Variants in NHSL2 observed in about 807,000 individuals in gnomAD.
NHSL2 encodes the protein NHS like 2, also known as NHS-like protein 2.
Under a neutral mutation model 53.4 loss-of-function variants are expected in NHSL2, and 27 were observed. The ratio of observed to expected loss-of-function variants is 0.51; its 90% CI spans 0.37 to 0.70. NHSL2 has a LOEUF of 0.70. Among genes scored for constraint, NHSL2 ranks in the 30% least tolerant of loss-of-function variants. NHSL2 has a pLI of 0.00. For missense variants in NHSL2, 892 were observed against 980.1 expected (o/e 0.91, Z 1.20); for synonymous variants, 408 against 404.1 (o/e 1.01, Z -0.12).
chrX:71,927,452 T>C (rs1285314300), intron 1 of NHSL2, among the ~76,000 whole-genome samples: 1 of 112,513 alleles, frequency 8.9e-6, no homozygotes, highest in African/African-American at 3.2e-5. Context: ...TAAGGATAGC[T>C]GTTGAGAGGT....
rs191362825 is a variant in NHSL2 at position 72,012,699 on chromosome X, C to T, written c.280+101332C>T. ...TAGGCTCCGGGAATCAGGACGTAGA[C>T]GTATCTTTTGGGAGGGCACCATTCA... On this transcript the variant is annotated intron_variant, in intron 1 of 7. Coordinates refer to ENST00000633930, the MANE Select transcript of NHSL2 (RefSeq NM_001013627.3). Among the ~76,000 whole-genome samples the T allele has an allele frequency of 6.5e-4, 73 of 112,699 alleles. 1 individual carries two copies. Among genetic ancestry groups the T allele is most frequent in the African/African-American group, 2.3e-3 (70 of 31,058 alleles).
chrX:72,095,892 C>A (rs2041939840), intron 1 of NHSL2, among the ~76,000 whole-genome samples: 1 of 111,285 alleles, frequency 9.0e-6, no homozygotes. Context: ...ACCTTTAAAG[C>A]ACTGTACAAA....
intron 1 of NHSL2, among the ~76,000 whole-genome samples, chrX:71,944,774 G>A (rs1333806883): frequency 2.7e-5 from 3 of 111,912 alleles, no homozygotes; most frequent in Non-Finnish European, 5.6e-5. Flanking sequence ...ATCTAGAAGA[G>A]GAAATTTCCA....
chrX:72,043,411 A>G (rs761385646), intron 1 of NHSL2, among the ~76,000 whole-genome samples: 4 of 111,230 alleles, frequency 3.6e-5, no homozygotes, highest in African/African-American at 1.3e-4. Flanking sequence ...TACTTTCTAC[A>G]TATTGTTTTA....
chrX:71,922,068 G>A (rs1174749607), intron 1 of NHSL2, among the ~76,000 whole-genome samples: 4 of 112,844 alleles, frequency 3.5e-5, no homozygotes, highest in Non-Finnish European at 7.5e-5. Context: ...CTTCATCCCA[G>A]TTGCACAGTA....
intron 1 of NHSL2, among the ~76,000 whole-genome samples, chrX:72,016,496 G>A (rs2042136419): frequency 8.9e-6 from 1 of 112,049 alleles, no homozygotes; most frequent in Non-Finnish European, 1.9e-5. Flanking sequence ...CAGGTTCTGT[G>A]AAAAATTCCT....
chrX:72,001,772 A>G lies in NHSL2; in HGVS notation c.280+90405A>G, dbSNP rs5991898. On this transcript the variant is annotated intron_variant, in intron 1 of 7. Coordinates refer to ENST00000633930, the MANE Select transcript of NHSL2 (RefSeq NM_001013627.3). ...CTTTCTACCTGTCAGACTTACACCC[A>G]TACTTTGGGGCCCAGTCTGAATCCT... Among the ~76,000 whole-genome samples the G allele has an allele frequency of 2.8e-3, 316 of 112,128 alleles. 1 individual carries two copies. Among genetic ancestry groups the G allele is most frequent in the African/African-American group, 9.8e-3 (302 of 30,866 alleles).
At position 71,934,965 on chromosome X, in the gene NHSL2, C is replaced by T. The variant is rs982461985; in HGVS notation, c.280+23598C>T. ...TCAGCTTGGACTTCTTTTAGGGTGC[C>T]CTTCCAGCTGTTTTGTAACAATATA... is the stretch of plus-strand genomic sequence containing the variant. On this transcript the variant is annotated intron_variant, in intron 1 of 7. Transcript: ENST00000633930. Among the ~76,000 whole-genome samples the T allele has an allele frequency of 6.3e-5, 7 of 111,551 alleles. No individual in the cohort carries two copies. The Admixed American group carries it at 6.6e-4, about 11-fold the overall frequency.
chrX:72,059,237 C>A (rs907469081), intron 1 of NHSL2, among the ~76,000 whole-genome samples: 2 of 110,880 alleles, frequency 1.8e-5, no homozygotes, highest in African/African-American at 6.6e-5. Flanking sequence ...ACCGCTCCAC[C>A]CTGAGGCAAG....
chrX:72,103,701 G>A (rs965039981), intron 1 of NHSL2, among the ~76,000 whole-genome samples: 1 of 112,220 alleles, frequency 8.9e-6, no homozygotes, highest in Admixed American at 9.4e-5. Flanking sequence ...AATCTTGGTT[G>A]GGCCATCAGA....
intron 1 of NHSL2, among the ~76,000 whole-genome samples, chrX:71,944,003 A>G (rs2041781059): frequency 9.0e-6 from 1 of 111,713 alleles, no homozygotes; most frequent in Non-Finnish European, 1.9e-5. Flanking sequence ...TTGTCCTGTT[A>G]TTTGGGAAGG....
intron 1 of NHSL2, among the ~76,000 whole-genome samples, chrX:72,085,488 A>G (rs1243408767): frequency 3.6e-5 from 4 of 111,245 alleles, no homozygotes; most frequent in Non-Finnish European, 7.5e-5. Context: ...CATCCATTGC[A>G]CTCATCTGCT....
intron 1 of NHSL2, among the ~76,000 whole-genome samples, chrX:72,010,102 G>A (rs1479639818): frequency 8.9e-6 from 1 of 112,806 alleles, no homozygotes; most frequent in African/African-American, 3.2e-5. Context: ...TAATTGGCAT[G>A]GACTGAGCTT....
At chrX:72,031,805 T>C (rs1269555038) in intron 1 of NHSL2, among the ~76,000 whole-genome samples, 3 of 111,063 alleles carry the variant, frequency 2.7e-5, no homozygotes, top group Non-Finnish European at 5.7e-5. Flanking sequence ...ACATTAACCC[T>C]TTTTAAAAGC....
chrX:72,074,248 T>C (rs906741577), intron 1 of NHSL2, among the ~76,000 whole-genome samples: 1 of 112,616 alleles, frequency 8.9e-6, no homozygotes, highest in East Asian at 2.8e-4. Flanking sequence ...CTCATTACAT[T>C]TGCAAGGCAT....
intron 1 of NHSL2, among the ~76,000 whole-genome samples, chrX:71,989,701 T>C (rs1271509502): frequency 2.7e-5 from 3 of 112,578 alleles, no homozygotes; most frequent in African/African-American, 6.5e-5. Context: ...CCCACAGTGA[T>C]TCCTGCTCAT....
At chrX:72,076,082 T>C (rs2041740092) in intron 1 of NHSL2, among the ~76,000 whole-genome samples, 1 of 110,821 alleles carries the variant, frequency 9.0e-6, no homozygotes, top group Non-Finnish European at 1.9e-5. Flanking sequence ...TACAGGCATA[T>C]GCCACCACGC....
In NHSL2 at chrX:72,045,042, C is replaced by T. The variant is rs947399279; in HGVS notation, c.281-87037C>T. ...CTGCATAGCATGCTAGAAGCCCCCA[C>T]GTGGAGCTATCTGGCCATCAGGGTC... On this transcript the variant is annotated intron_variant, in intron 1 of 7. Coordinates refer to ENST00000633930, the MANE Select transcript of NHSL2 (RefSeq NM_001013627.3). 6.4e-6 allele frequency: 3 copies of T among 466,126 alleles called. No individual in the cohort carries two copies. In the Admixed American group the frequency reaches 1.1e-4, roughly 16 times the overall value. The allele number at this position is 466,126 out of a possible 1,213,427, so 38.4% of individuals were successfully genotyped here. A position where few individuals can be genotyped will look rare whatever the true frequency, so the allele number is the denominator to read the frequency against.
intron 1 of NHSL2, among the ~76,000 whole-genome samples, chrX:72,011,495 C>T (rs755979813): frequency 8.9e-6 from 1 of 111,813 alleles, no homozygotes; most frequent in Non-Finnish European, 1.9e-5. Flanking sequence ...CACGGTGAAA[C>T]CCCATCTCTA....
Sources: gnomAD v4.1 joint callset for allele counts (sites outside exome capture counted in the v4.1 genomes callset) on GRCh38, gnomAD v4.1.1 for gene constraint, MANE v1.5 for transcripts, NCBI Gene and HGNC (gene_info 2026-07-23, HGNC 2026-07-21) for gene names.